PLCXD3: variants seen among roughly 807,000 people sequenced by gnomAD.
PLCXD3 encodes phosphatidylinositol specific phospholipase C X domain containing 3, also known as PI-PLC X domain-containing protein 3.
Under a neutral mutation model 25.5 loss-of-function variants are expected in PLCXD3, and 19 were observed. That is an observed-to-expected ratio of 0.75 (90% CI 0.52 to 1.09). The LOEUF (loss-of-function observed/expected upper bound fraction) is 1.09. PLCXD3 is among the 50% of genes least tolerant of loss of function. The pLI is 0.00. For synonymous variants in PLCXD3, 174 were observed against 137.6 expected, an observed-to-expected ratio of 1.26 and a Z score of -1.85; for missense variants, 411 against 388.1, an observed-to-expected ratio of 1.06 and a Z score of -0.50.
intron 1 of PLCXD3, 35 bp downstream of exon 1, chr5:41,510,389 G>A (rs1211438434): frequency 6.5e-7 from 1 of 1,543,048 alleles, no homozygotes; most frequent in Non-Finnish European, 8.8e-7. Flanking sequence ...TGGAGCGGGC[G>A]CCGAGCGCCT....
chr5:41,498,973 G>A (rs6859652), intron 1 of PLCXD3, among the ~76,000 whole-genome samples: 5 of 151,326 alleles, frequency 3.3e-5, no homozygotes, highest in African/African-American at 7.3e-5. Flanking sequence ...GATAAAAAAC[G>A]CTCAACAAAT....
intron 1 of PLCXD3, among the ~76,000 whole-genome samples, chr5:41,484,266 CA>C (rs200397928): frequency 0.014 from 1,901 of 137,288 alleles, 15 homozygotes; most frequent in Non-Finnish European, 0.02. Context: ...CACACACACA[CA>C]CACACTAACT....
At chr5:41,347,805 A>G (rs1744343268) in intron 2 of PLCXD3, among the ~76,000 whole-genome samples, 1 of 152,232 alleles carries the variant, frequency 6.6e-6, no homozygotes, top group East Asian at 1.9e-4. Flanking sequence ...GAGGTGCAGG[A>G]AAGACTGAGA....
chr5:41,418,172 A>G (rs1746735995), intron 1 of PLCXD3, among the ~76,000 whole-genome samples: 1 of 152,198 alleles, frequency 6.6e-6, no homozygotes, highest in Non-Finnish European at 1.5e-5. Context: ...TGTGTGGCAT[A>G]TATTTTTAGA....
chr5:41,480,486 G>A, intron 1 of PLCXD3, among the ~76,000 whole-genome samples: 1 of 150,564 alleles, frequency 6.6e-6, no homozygotes, highest in Non-Finnish European at 1.5e-5. Flanking sequence ...GTTGGGTACA[G>A]AGAAAAAACA....
At chr5:41,501,622 A>G (rs1231591980) in intron 1 of PLCXD3, among the ~76,000 whole-genome samples, 1 of 152,064 alleles carries the variant, frequency 6.6e-6, no homozygotes, top group Non-Finnish European at 1.5e-5. Context: ...GCTGTGCAAT[A>G]TTGTACTTAC....
chr5:41,506,473 C>T lies in PLCXD3; in HGVS notation c.103+3951G>A, dbSNP rs564052713. ...AAAGATTCACTTCTGTATCACTATC[C>T]ACTAATAAATGGGGTAGGAGGTGAG... On this transcript the variant is annotated intron_variant, in intron 1 of 2. Transcript: ENST00000377801. Among the ~76,000 whole-genome samples the T allele has an allele frequency of 2.0e-5, 3 of 152,208 alleles. No individual in the cohort carries two copies. The South Asian group carries it at 6.2e-4, about 32-fold the overall frequency.
chr5:41,479,738 A>G (rs543344472), intron 1 of PLCXD3, among the ~76,000 whole-genome samples: 6 of 152,094 alleles, frequency 3.9e-5, no homozygotes, highest in African/African-American at 1.4e-4. Flanking sequence ...AAAGAGAGAG[A>G]GAGAGAGAGA....
intron 1 of PLCXD3, among the ~76,000 whole-genome samples, chr5:41,496,053 C>G (rs766698052): frequency 4.6e-5 from 7 of 151,820 alleles, no homozygotes; most frequent in Admixed American, 6.6e-5. Flanking sequence ...AATTTTGGAG[C>G]TGAAGAATGC....
At chr5:41,475,226 C>A (rs1369593216) in intron 1 of PLCXD3, among the ~76,000 whole-genome samples, 1 of 152,210 alleles carries the variant, frequency 6.6e-6, no homozygotes, top group Non-Finnish European at 1.5e-5. Flanking sequence ...AGGGCACTGA[C>A]CAGTACCTTT....
intron 2 of PLCXD3, among the ~76,000 whole-genome samples, chr5:41,356,545 G>A (rs558711411): frequency 6.6e-6 from 1 of 152,058 alleles, no homozygotes; most frequent in East Asian, 1.9e-4. Context: ...TAATGCAAAT[G>A]TTAAGCCTCT....
At chr5:41,322,923 A>G (rs4957389) in intron 2 of PLCXD3, among the ~76,000 whole-genome samples, 26,395 of 151,450 alleles carry the variant, frequency 0.17, 3,991 homozygotes, top group African/African-American at 0.39. Flanking sequence ...GCAGTGAGTC[A>G]AGTTCGCACC....
At chr5:41,433,135 C>T (rs899742450) in intron 1 of PLCXD3, among the ~76,000 whole-genome samples, 1 of 152,158 alleles carries the variant, frequency 6.6e-6, no homozygotes, top group African/African-American at 2.4e-5. Flanking sequence ...CACAAGCTGC[C>T]TTTCTTGCCT....
chr5:41,319,865 T>C (rs184377912), intron 2 of PLCXD3, among the ~76,000 whole-genome samples: 39 of 152,036 alleles, frequency 2.6e-4, no homozygotes, highest in African/African-American at 8.9e-4. Flanking sequence ...CCTTTAGCCA[T>C]ACTAAGAAAA....
chr5:41,379,152 T>C (rs1745380928), intron 2 of PLCXD3, among the ~76,000 whole-genome samples: 1 of 152,090 alleles, frequency 6.6e-6, no homozygotes, highest in Non-Finnish European at 1.5e-5. Flanking sequence ...GTGGAGAGAA[T>C]AGAGGGAGTT....
rs187775196 is a variant in PLCXD3 at position 41,418,882 on chromosome 5, C to G, written c.104-36348G>C. 1.5e-3 allele frequency among the ~76,000 whole-genome samples: 229 copies of G among 152,298 alleles called. 1 individual carries two copies. The highest frequency in any genetic ancestry group is 6.8e-3 in the Middle Eastern group (2 of 294). Reference sequence around the variant, plus strand: ...AATGAAATTATGATCTGTTCCACCTCAGAAGGTTACATTGTTCATCACAAA... The same window carrying G: ...AATGAAATTATGATCTGTTCCACCTGAGAAGGTTACATTGTTCATCACAAA... On this transcript the variant is annotated intron_variant, in intron 1 of 2. Transcript: ENST00000377801.
At chr5:41,321,307 G>A (rs979446183) in intron 2 of PLCXD3, among the ~76,000 whole-genome samples, 1 of 152,086 alleles carries the variant, frequency 6.6e-6, no homozygotes, top group Non-Finnish European at 1.5e-5. Context: ...AGTGAACAAT[G>A]TGAAAAAGAA....
intron 1 of PLCXD3, among the ~76,000 whole-genome samples, chr5:41,510,021 G>A (rs530893443): frequency 1.3e-5 from 2 of 152,272 alleles, no homozygotes; most frequent in South Asian, 2.1e-4. Flanking sequence ...CACCGAAGGC[G>A]AGCCCCTGAC....
chr5:41,411,317 G>A (rs1746513078), intron 1 of PLCXD3, among the ~76,000 whole-genome samples: 1 of 152,050 alleles, frequency 6.6e-6, no homozygotes, highest in Admixed American at 6.6e-5. Context: ...ACATCTCCTT[G>A]AAATACCAGC....
Sources: gnomAD v4.1 joint callset for allele counts (sites outside exome capture counted in the v4.1 genomes callset) on GRCh38, gnomAD v4.1.1 for gene constraint, MANE v1.5 for transcripts, NCBI Gene and HGNC (gene_info 2026-07-23, HGNC 2026-07-21) for gene names.